Variants in NAALADL2 observed in about 807,000 individuals in gnomAD.
NAALADL2 encodes inactive N-acetylated-alpha-linked acidic dipeptidase-like protein 2.
In NAALADL2, 76 loss-of-function variants were observed where a neutral mutation model predicts 87.2. The observed-to-expected ratio is 0.87, with a 90% confidence interval of 0.72 to 1.05. The LOEUF is 1.05. Ranked by LOEUF, NAALADL2 falls within the 50% of genes least tolerant of loss-of-function variation. The pLI is 0.00. For missense variants in NAALADL2, 1,089 were observed against 945.8 expected (o/e 1.15, Z -1.99); for synonymous variants, 354 against 331.0 (o/e 1.07, Z -0.75).
At chr3:175,733,183 T>G (rs1744022299) in intron 11 of NAALADL2, among the ~76,000 whole-genome samples, 1 of 152,148 alleles carries the variant, frequency 6.6e-6, no homozygotes, top group Non-Finnish European at 1.5e-5. Flanking sequence ...AATTGGGAAA[T>G]ATAACTTTTA....
chr3:175,285,216 C>T (rs1047965443), intron 4 of NAALADL2, among the ~76,000 whole-genome samples: 9 of 152,066 alleles, frequency 5.9e-5, no homozygotes, highest in African/African-American at 2.2e-4. Flanking sequence ...TTTAGTTACT[C>T]ACTAGTCAAT....
intron 2 of NAALADL2, among the ~76,000 whole-genome samples, chr3:175,150,629 A>T (rs1731412172): frequency 6.6e-6 from 1 of 152,298 alleles, no homozygotes; most frequent in African/African-American, 2.4e-5. Flanking sequence ...TTCATTTGTC[A>T]TAACTAATGG....
In NAALADL2 at chr3:174,980,180, A is replaced by G. The variant is rs901080826; in HGVS notation, c.44-116610A>G. Among the ~76,000 whole-genome samples, 9 of 152,180 alleles carry G rather than the reference A, an allele frequency of 5.9e-5. No individual in the cohort carries two copies. In the East Asian group the frequency reaches 1.2e-3, roughly 20 times the overall value. On this transcript the variant is annotated intron_variant, in intron 1 of 13. Transcript: ENST00000454872. ...CATAGCACATATTACGCCATGTTAT[A>G]ATTCCTATTTAATTATCTGCCTCTT... is the stretch of plus-strand genomic sequence containing the variant.
At chr3:174,980,930 GGA>G (rs1745031208) in intron 1 of NAALADL2, among the ~76,000 whole-genome samples, 2 of 152,080 alleles carry the variant, frequency 1.3e-5, no homozygotes, top group Non-Finnish European at 2.9e-5. Flanking sequence ...ACAGCTTAGT[GGA>G]AAATGTGCTG....
At chr3:175,339,425 T>C (rs1762360282) in intron 5 of NAALADL2, among the ~76,000 whole-genome samples, 1 of 152,202 alleles carries the variant, frequency 6.6e-6, no homozygotes, top group African/African-American at 2.4e-5. Context: ...GAAGGGATCT[T>C]AGAGGTTATA....
intron 12 of NAALADL2, among the ~76,000 whole-genome samples, chr3:175,753,525 T>G (rs1440016593): frequency 6.6e-6 from 1 of 151,302 alleles, no homozygotes; most frequent in African/African-American, 2.5e-5. Context: ...GAATAAAAAA[T>G]TATCATTTTA....
chr3:174,910,927 A>G (rs1488587862), intron 1 of NAALADL2, among the ~76,000 whole-genome samples: 4 of 152,064 alleles, frequency 2.6e-5, no homozygotes, highest in African/African-American at 9.7e-5. Flanking sequence ...CGCAAAACTG[A>G]CAAGCAGGGC....
intron 9 of NAALADL2, among the ~76,000 whole-genome samples, chr3:175,575,605 A>G (rs1270069208): frequency 6.6e-6 from 1 of 152,132 alleles, no homozygotes; most frequent in African/African-American, 2.4e-5. Flanking sequence ...TTTTTAATAG[A>G]CATTTTAAGA....
upstream of NAALADL2, among the ~76,000 whole-genome samples, chr3:174,855,978 G>GTATATA (rs1284447372): frequency 1.2e-5 from 1 of 83,282 alleles, no homozygotes; most frequent in African/African-American, 5.8e-5. Flanking sequence ...GTGTGTGTGT[G>GTATATA]TGTATATATA....
chr3:175,607,020 G>A (rs1195245452), intron 10 of NAALADL2, among the ~76,000 whole-genome samples: 1 of 152,100 alleles, frequency 6.6e-6, no homozygotes, highest in Non-Finnish European at 1.5e-5. Context: ...AAAAGCTATT[G>A]AACTGCAGCT....
chr3:175,765,649 G>A (rs1341088257), intron 13 of NAALADL2, among the ~76,000 whole-genome samples: 1 of 152,050 alleles, frequency 6.6e-6, no homozygotes, highest in Non-Finnish European at 1.5e-5. Context: ...CATTTAAAGT[G>A]AGAAAAAATT....
chr3:175,646,322 AAAT>A (rs988513494), intron 11 of NAALADL2, among the ~76,000 whole-genome samples: 2 of 152,078 alleles, frequency 1.3e-5, no homozygotes, highest in African/African-American at 4.8e-5. Flanking sequence ...TACATATTCA[AAAT>A]AATATCATTA....
At chr3:174,963,382 A>C (rs760037841) in intron 1 of NAALADL2, among the ~76,000 whole-genome samples, 1 of 152,188 alleles carries the variant, frequency 6.6e-6, no homozygotes, top group Non-Finnish European at 1.5e-5. Context: ...AAAAATGTGA[A>C]TATTATAGAT....
At chr3:174,858,978 C>CGTGT (rs981429826), upstream of NAALADL2, among the ~76,000 whole-genome samples, 6 of 151,900 alleles carry the variant, frequency 3.9e-5, no homozygotes, top group African/African-American at 1.5e-4. Flanking sequence ...AAATAAATGT[C>CGTGT]GTGTAATACA....
rs567800203 is a variant in NAALADL2, at chr3:174,659,924, G to A, written c.-114-77717G>A. 1.8e-4 allele frequency among the ~76,000 whole-genome samples: 27 copies of A among 152,150 alleles called. No homozygotes were observed. The East Asian group carries it at 5.2e-3, about 29-fold the overall frequency. On this transcript the variant is annotated intron_variant, in intron 2 of 3. Transcript: ENST00000434257. Reference sequence around the variant, plus strand: ...CTTAGTCCTGCCCTCACCTCTCTTCGAGTGTGTCCTTTGTTTCCTTTTGGG... The same window carrying A: ...CTTAGTCCTGCCCTCACCTCTCTTCAAGTGTGTCCTTTGTTTCCTTTTGGG...
chr3:174,533,998 C>T (rs766262683), intron 1 of NAALADL2, among the ~76,000 whole-genome samples: 1 of 151,938 alleles, frequency 6.6e-6, no homozygotes, highest in Non-Finnish European at 1.5e-5. Flanking sequence ...ATAAACATGA[C>T]AATAATTTTT....
intron 5 of NAALADL2, among the ~76,000 whole-genome samples, chr3:175,338,930 G>A (rs1182018598): frequency 6.6e-6 from 1 of 152,184 alleles, no homozygotes; most frequent in East Asian, 1.9e-4. Context: ...AGAAGGGAGG[G>A]AAGGCAGCAA....
At chr3:175,564,095 C>T (rs1716721175) in intron 9 of NAALADL2, among the ~76,000 whole-genome samples, 1 of 152,066 alleles carries the variant, frequency 6.6e-6, no homozygotes, top group African/African-American at 2.4e-5. Context: ...ATATGCCATC[C>T]ACATCCTTTT....
chr3:174,778,855 C>G (rs1353867441), intron 3 of NAALADL2, among the ~76,000 whole-genome samples: 1 of 152,178 alleles, frequency 6.6e-6, no homozygotes, highest in Non-Finnish European at 1.5e-5. Context: ...ATATGTGCCA[C>G]ATTTTCTTTA....
Sources: gnomAD v4.1 joint callset for allele counts (sites outside exome capture counted in the v4.1 genomes callset) on GRCh38, gnomAD v4.1.1 for gene constraint, MANE v1.5 for transcripts, NCBI Gene and HGNC (gene_info 2026-07-23, HGNC 2026-07-21) for gene names.